The following CSMD1 variants were observed in gnomAD, a reference collection of about 807,000 sequenced individuals.
CSMD1 encodes CUB and Sushi multiple domains 1, also known as CUB and sushi domain-containing protein 1.
In CSMD1, 213 loss-of-function variants were observed where a neutral mutation model predicts 417.5. The ratio of observed to expected loss-of-function variants is 0.51; its 90% CI spans 0.46 to 0.57. CSMD1 has a LOEUF of 0.57. Among genes scored for constraint, CSMD1 ranks in the 20% least tolerant of loss-of-function variants. The probability of loss-of-function intolerance (pLI) is 0.00; values close to 1 mark genes in which losing one functional copy is unlikely to be tolerated. For synonymous variants in CSMD1, 2,862 were observed against 1,736.8 expected, an observed-to-expected ratio of 1.65 and a Z score of -16.11; for missense variants, 6,923 against 4,529.7, an observed-to-expected ratio of 1.53 and a Z score of -15.17.
chr8:3,249,256 C>A (rs1343417145), intron 26 of CSMD1, among the ~76,000 whole-genome samples: 2 of 152,156 alleles, frequency 1.3e-5, no homozygotes, highest in African/African-American at 4.8e-5. Context: ...GAGACTCACT[C>A]TGTTGCCCAG....
At chr8:3,190,163 C>T (rs752952667) in intron 33 of CSMD1, 48 bp from the exon 34 acceptor site, 3 of 1,485,418 alleles carry the variant, frequency 2.0e-6, no homozygotes, top group South Asian at 2.4e-5. Flanking sequence ...CATCAGCAAG[C>T]CAGGACGTTG....
chr8:4,889,859 T>G (rs1040049820), intron 1 of CSMD1, among the ~76,000 whole-genome samples: 1 of 152,156 alleles, frequency 6.6e-6, no homozygotes, highest in African/African-American at 2.4e-5. Flanking sequence ...TTGTATTTAT[T>G]GATGATGAAA....
At chr8:4,610,212 T>C (rs1801094473) in intron 2 of CSMD1, among the ~76,000 whole-genome samples, 3 of 152,122 alleles carry the variant, frequency 2.0e-5, no homozygotes, top group Admixed American at 1.3e-4. Context: ...GACTTGGGGA[T>C]ACAGATGCAA....
chr8:3,824,710 C>G (rs1443582950), intron 5 of CSMD1, among the ~76,000 whole-genome samples: 1 of 152,128 alleles, frequency 6.6e-6, no homozygotes, highest in Non-Finnish European at 1.5e-5. Context: ...TATCTTTTTA[C>G]TCCTTTTAAT....
chr8:3,965,757 A>T (rs1030159084), intron 5 of CSMD1, among the ~76,000 whole-genome samples: 3 of 152,044 alleles, frequency 2.0e-5, no homozygotes, highest in Admixed American at 2.0e-4. Flanking sequence ...AGCTGGGACT[A>T]CAGGCATGTG....
At chr8:4,111,029 C>A (rs546658536) in intron 3 of CSMD1, among the ~76,000 whole-genome samples, 2 of 151,952 alleles carry the variant, frequency 1.3e-5, no homozygotes, top group South Asian at 2.1e-4. Flanking sequence ...GGACTCCCTG[C>A]GAAAGGAAAT....
intron 2 of CSMD1, among the ~76,000 whole-genome samples, chr8:4,529,036 A>G (rs1424112063): frequency 6.6e-6 from 1 of 152,108 alleles, no homozygotes; most frequent in Non-Finnish European, 1.5e-5. Context: ...TATATGTGAG[A>G]CGGTGTTTTT....
rs554911567 is a variant in CSMD1 at position 4,200,302 on chromosome 8, G to C, written c.416-168203C>G. 1.6e-4 allele frequency among the ~76,000 whole-genome samples: 24 copies of C among 152,164 alleles called. 1 individual carries two copies. In the East Asian group the frequency reaches 4.2e-3, roughly 27 times the overall value. ...AGAGGATAATTTTTTTGTTAATTAT[G>C]CTTAGAGTGTCACTTAGATATGGTA... is the stretch of plus-strand genomic sequence containing the variant. On this transcript the variant is annotated intron_variant, in intron 3 of 69. Transcript: ENST00000635120.
chr8:4,528,166 T>A (rs1031370853), intron 2 of CSMD1, among the ~76,000 whole-genome samples: 83 of 152,318 alleles, frequency 5.4e-4, no homozygotes, highest in African/African-American at 1.9e-3. Context: ...AATGTCCTTG[T>A]TTTTGACCTG....
chr8:3,308,344 C>A lies in CSMD1; in HGVS notation c.3791G>T (p.Arg1264Ile). 6.2e-7 allele frequency: 1 copy of A among 1,613,254 alleles called. No homozygotes were observed. The highest frequency in any genetic ancestry group is 8.5e-7 in the Non-Finnish European group (1 of 1,179,448). The change falls in exon 24 of 70, where the codon AGA (arginine) becomes ATA (isoleucine). Residue 1264 changes from arginine (R) to isoleucine (I), a missense_variant. Coordinates refer to ENST00000635120, the MANE Select transcript of CSMD1 (RefSeq NM_033225.6). ...CGAAGGTAGTGGTTTGTCCCACACT[C>A]TCCTGTCTCCACTCAAACAGGTCAG... The part of the protein sequence containing the change: ...NTLTCLSGDR[R>I]VWDKPLPSCI...
At chr8:4,585,574 A>C (rs1799657753) in intron 2 of CSMD1, among the ~76,000 whole-genome samples, 1 of 152,202 alleles carries the variant, frequency 6.6e-6, no homozygotes, top group African/African-American at 2.4e-5. Context: ...GAAAAGGTAG[A>C]ATTCAGATGA....
At chr8:4,534,328 T>C (rs1280448106) in intron 2 of CSMD1, among the ~76,000 whole-genome samples, 2 of 152,246 alleles carry the variant, frequency 1.3e-5, no homozygotes, top group African/African-American at 4.8e-5. Context: ...CCCTACTCTC[T>C]GGCTTACTTT....
intron 39 of CSMD1, among the ~76,000 whole-genome samples, chr8:3,153,680 G>C (rs1208851903): frequency 1.3e-5 from 2 of 152,198 alleles, no homozygotes; most frequent in African/African-American, 2.4e-5. Flanking sequence ...GCTGAGGACT[G>C]AGGCAGCCCT....
chr8:3,765,470 T>TAC (rs1798214491), intron 5 of CSMD1, among the ~76,000 whole-genome samples: 2 of 152,202 alleles, frequency 1.3e-5, no homozygotes, highest in African/African-American at 4.8e-5. Context: ...TGTAGAGGTC[T>TAC]ACCTCACCTC....
At chr8:3,873,909 T>TG (rs1378812631) in intron 5 of CSMD1, among the ~76,000 whole-genome samples, 1 of 152,160 alleles carries the variant, frequency 6.6e-6, no homozygotes, top group Non-Finnish European at 1.5e-5. Context: ...TCACTGATCT[T>TG]GGAGACAACT....
chr8:4,040,459 G>A (rs1797828753), intron 3 of CSMD1, among the ~76,000 whole-genome samples: 1 of 152,180 alleles, frequency 6.6e-6, no homozygotes, highest in Admixed American at 6.5e-5. Flanking sequence ...TGCATATGAT[G>A]ATGGATTCAG....
At chr8:4,105,201 C>G (rs1172213462) in intron 3 of CSMD1, among the ~76,000 whole-genome samples, 1 of 152,042 alleles carries the variant, frequency 6.6e-6, no homozygotes, top group Non-Finnish European at 1.5e-5. Flanking sequence ...AAGATTATTC[C>G]AAGGGCAGAA....
chr8:4,319,333 A>T (rs927009410), intron 3 of CSMD1, among the ~76,000 whole-genome samples: 1 of 152,074 alleles, frequency 6.6e-6, no homozygotes, highest in African/African-American at 2.4e-5. Flanking sequence ...GTCTTAGCAT[A>T]TTATGATTTT....
chr8:4,765,787 G>A (rs898570840), intron 1 of CSMD1, among the ~76,000 whole-genome samples: 1 of 152,154 alleles, frequency 6.6e-6, no homozygotes, highest in South Asian at 2.1e-4. Flanking sequence ...GAGAGAGCCT[G>A]GGGGTTGATG....
Sources: allele counts gnomAD v4.1 joint callset (sites outside exome capture counted in the v4.1 genomes callset), GRCh38; gene constraint gnomAD v4.1.1; transcripts MANE v1.5; gene names NCBI Gene and HGNC (gene_info 2026-07-23, HGNC 2026-07-21).